IL1RAPL1: variants seen among roughly 807,000 people sequenced by gnomAD.
The protein encoded by IL1RAPL1 is interleukin-1 receptor accessory protein-like 1.
IL1RAPL1 carries 3 observed loss-of-function variants against 48.4 expected under a neutral mutation model. The observed-to-expected ratio is 0.06, with a 90% CI of 0.03 to 0.16. The LOEUF (loss-of-function observed/expected upper bound fraction) is 0.16, where lower values mean the gene tolerates loss of function less well. Among genes scored for constraint, IL1RAPL1 ranks in the 10% least tolerant of loss-of-function variants. The pLI is 1.00. For missense variants in IL1RAPL1, 349 were observed against 530.6 expected (o/e 0.66, Z 3.36); for synonymous variants, 185 against 187.7 (o/e 0.99, Z 0.12).
intron 1 of IL1RAPL1, among the ~76,000 whole-genome samples, chrX:28,599,374 A>G (rs1933994831): frequency 9.0e-6 from 1 of 110,907 alleles, no homozygotes; most frequent in African/African-American, 3.3e-5. Flanking sequence ...GTTACAATGG[A>G]TATTGGATGC....
intron 5 of IL1RAPL1, among the ~76,000 whole-genome samples, chrX:29,525,407 C>G (rs750931345): frequency 8.9e-6 from 1 of 111,966 alleles, no homozygotes; most frequent in African/African-American, 3.2e-5. Context: ...CTTTTTCTTT[C>G]TAGAGAAGGC....
At chrX:29,903,925 G>A (rs931835440) in intron 6 of IL1RAPL1, among the ~76,000 whole-genome samples, 2 of 112,017 alleles carry the variant, frequency 1.8e-5, no homozygotes, top group African/African-American at 6.5e-5. Flanking sequence ...TTGTCTTCAG[G>A]ACTGCAGACC....
intron 6 of IL1RAPL1, among the ~76,000 whole-genome samples, chrX:29,739,069 A>T (rs1928129474): frequency 8.9e-6 from 1 of 112,025 alleles, no homozygotes; most frequent in Non-Finnish European, 1.9e-5. Context: ...AGAGAAACCC[A>T]ATTAGGTAAC....
intron 3 of IL1RAPL1, among the ~76,000 whole-genome samples, chrX:29,320,920 T>C (rs374460273): frequency 1.8e-5 from 2 of 111,352 alleles, no homozygotes; most frequent in East Asian, 5.6e-4. Flanking sequence ...TTATTATTAT[T>C]AATAATATTG....
intron 2 of IL1RAPL1, among the ~76,000 whole-genome samples, chrX:29,219,619 A>G (rs1411189048): frequency 9.0e-6 from 1 of 111,556 alleles, no homozygotes; most frequent in Non-Finnish European, 1.9e-5. Context: ...CGCCACTTCC[A>G]GTTTGACCTT....
chrX:28,630,107 C>T (rs1206721089), intron 1 of IL1RAPL1, among the ~76,000 whole-genome samples: 2 of 110,953 alleles, frequency 1.8e-5, no homozygotes, highest in African/African-American at 6.6e-5. Context: ...GGAGAAAAGC[C>T]ATAAAGATAG....
At chrX:29,418,112 TATATA>T (rs1438464110) in intron 5 of IL1RAPL1, among the ~76,000 whole-genome samples, 639 of 48,894 alleles carry the variant, frequency 0.013, 17 homozygotes, top group Non-Finnish European at 0.019. Flanking sequence ...TATATATATA[TATATA>T]TATATATATT....
At chrX:29,178,786 A>G (rs1282252807) in intron 2 of IL1RAPL1, among the ~76,000 whole-genome samples, 1 of 111,957 alleles carries the variant, frequency 8.9e-6, no homozygotes, top group African/African-American at 3.2e-5. Flanking sequence ...GGTGTAAGGA[A>G]GGGATCCAGT....
chrX:29,908,011 A>G lies in IL1RAPL1; in HGVS notation c.779-9453A>G, dbSNP rs749484105. Among the ~76,000 whole-genome samples, 39 of 111,553 alleles carry G rather than the reference A, an allele frequency of 3.5e-4. No individual in the cohort carries two copies. In the South Asian group the frequency reaches 0.015, roughly 42 times the overall value. ...GATAAAAATCAGTGTCTCTTAGAGAATAAGATTAAAAAAATTTAAATCACA... is the reference window on the plus strand; with the variant it reads ...GATAAAAATCAGTGTCTCTTAGAGAGTAAGATTAAAAAAATTTAAATCACA... On this transcript the variant is annotated intron_variant, in intron 6 of 10. Transcript: ENST00000378993.
At chrX:29,571,927 A>T (rs1362836911) in intron 5 of IL1RAPL1, among the ~76,000 whole-genome samples, 1 of 112,102 alleles carries the variant, frequency 8.9e-6, no homozygotes, top group East Asian at 2.8e-4. Context: ...TTGAGCAACT[A>T]TATGGCAAGT....
chrX:29,243,695 ATCTCTCATTTTTCTAACATCTTT>A (rs1279059084), intron 2 of IL1RAPL1, among the ~76,000 whole-genome samples: 2 of 111,065 alleles, frequency 1.8e-5, no homozygotes, highest in African/African-American at 6.6e-5. Flanking sequence ...TTTCTATTTT[ATCTCTCATTTTTCTAACATCTTT>A]TCTCTCATCT....
intron 6 of IL1RAPL1, among the ~76,000 whole-genome samples, chrX:29,864,092 C>T (rs1424879617): frequency 8.9e-6 from 1 of 112,449 alleles, no homozygotes; most frequent in Non-Finnish European, 1.9e-5. Context: ...GCTGCACATA[C>T]AGCTTCTAAT....
At chrX:29,447,186 A>G (rs1380693890) in intron 5 of IL1RAPL1, among the ~76,000 whole-genome samples, 1 of 111,000 alleles carries the variant, frequency 9.0e-6, no homozygotes, top group Non-Finnish European at 1.9e-5. Context: ...TTATTATGCC[A>G]GTGTATGTGG....
intron 3 of IL1RAPL1, among the ~76,000 whole-genome samples, chrX:29,351,106 A>G (rs905993869): frequency 8.9e-6 from 1 of 111,969 alleles, no homozygotes; most frequent in Non-Finnish European, 1.9e-5. Flanking sequence ...TAAGAAACTT[A>G]CATTTAGGAT....
chrX:29,646,857 A>G (rs1171329320), intron 5 of IL1RAPL1, among the ~76,000 whole-genome samples: 1 of 111,623 alleles, frequency 9.0e-6, no homozygotes, highest in African/African-American at 3.3e-5. Context: ...CGTACCAAGA[A>G]AAGCTGTCCT....
intron 2 of IL1RAPL1, among the ~76,000 whole-genome samples, chrX:29,180,203 A>G (rs929982584): frequency 9.1e-6 from 1 of 109,485 alleles, no homozygotes; most frequent in African/African-American, 3.3e-5. Context: ...TGTCAGTGCA[A>G]TGAGAACTAC....
intron 2 of IL1RAPL1, among the ~76,000 whole-genome samples, chrX:28,937,522 G>T (rs182680374): frequency 5.9e-4 from 65 of 111,067 alleles, no homozygotes; most frequent in Admixed American, 3.7e-3. Flanking sequence ...GAGGAGAGAA[G>T]GTGTCTTTTG....
At chrX:28,884,188 TA>T (rs1177583053) in intron 2 of IL1RAPL1, among the ~76,000 whole-genome samples, 1 of 111,536 alleles carries the variant, frequency 9.0e-6, no homozygotes, top group East Asian at 2.8e-4. Flanking sequence ...AAAAAATAAA[TA>T]AATAATATGA....
Position 28,816,513 on chromosome X carries a change from C to T in IL1RAPL1, c.82+27088C>T, listed in dbSNP as rs184387316. Among the ~76,000 whole-genome samples the T allele has an allele frequency of 3.6e-5, 4 of 110,790 alleles. No homozygotes were observed. The East Asian group carries it at 1.1e-3, about 32-fold the overall frequency. ...GCATGCAGTTTTTGGTTTTCTGTTC[C>T]TGTGTTATTTTGCTTAAGATAATGG... On this transcript the variant is annotated intron_variant, in intron 2 of 10. Transcript: ENST00000378993.
Sources: allele counts gnomAD v4.1 joint callset (sites outside exome capture counted in the v4.1 genomes callset), GRCh38; gene constraint gnomAD v4.1.1; transcripts MANE v1.5; gene names NCBI Gene and HGNC (gene_info 2026-07-23, HGNC 2026-07-21).